LRSAM1: variants seen among roughly 807,000 people sequenced by gnomAD.
LRSAM1 encodes the protein leucine rich repeat and sterile alpha motif containing 1.
LRSAM1 carries 96 observed loss-of-function variants against 118.1 expected under a neutral mutation model. That is an observed-to-expected ratio of 0.81 (90% confidence interval 0.69 to 0.96). The LOEUF (loss-of-function observed/expected upper bound fraction) is 0.96, where lower values mean the gene tolerates loss of function less well. Ranked by LOEUF, LRSAM1 falls within the 40% of genes least tolerant of loss-of-function variation. The pLI is 0.00. For synonymous variants in LRSAM1, 322 were observed against 364.2 expected (o/e 0.88, Z 1.32); for missense variants, 804 against 915.5 (o/e 0.88, Z 1.57).
chr9:127,491,689 G>C (rs1835940158), intron 20 of LRSAM1, among the ~76,000 whole-genome samples: 1 of 152,356 alleles, frequency 6.6e-6, no homozygotes, highest in South Asian at 2.1e-4. Flanking sequence ...GGTGTCCCGG[G>C]TTGTCTGGAG....
Position 127,467,761 on chromosome 9 carries a change from G to A in LRSAM1, c.550G>A (p.Ala184Thr). 2.5e-6 allele frequency: 4 copies of A among 1,610,620 alleles called. 1 individual carries two copies. The South Asian group carries it at 3.3e-5, about 13-fold the overall frequency. Residue 184 changes from alanine (A) to threonine (T), a missense_variant, in exon 10 of 26, where the codon GCC becomes ACC. By Grantham distance (58) the Ala-to-Thr change is moderately conservative (BLOSUM62 0). Coordinates refer to ENST00000300417, the MANE Select transcript of LRSAM1 (RefSeq NM_001005373.4). ...TLEMLSLDAS[A>T]MVYPPREVCG... ...GCAGATGCTGAGCCTTGACGCCTCG[G>A]CCATGGTCTACCCGCCGCGGGAGGT...
rs570688892 is a variant in LRSAM1 at position 127,457,325 on chromosome 9, G to A, written c.184G>A (p.Val62Ile). 37 of 1,614,116 alleles carry A rather than the reference G, an allele frequency of 2.3e-5. No individual in the cohort carries two copies. Among genetic ancestry groups the A allele is most frequent in the East Asian group, 4.5e-5 (2 of 44,882 alleles). Residue 62 changes from valine to isoleucine, a missense_variant, in exon 6 of 26, where the codon GTC (valine) becomes ATC (isoleucine). By Grantham distance (29) the Val-to-Ile change is conservative (BLOSUM62 3). Coordinates refer to ENST00000300417, the MANE Select transcript of LRSAM1 (RefSeq NM_001005373.4). The part of the protein sequence containing the change: ...CKVLQKKVLI[V>I]HTNHLTSLLP... ...ACATCTCTCCACACAGGTGCTGATC[G>A]TCCACACGAATCACCTCACTTCCCT... is the stretch of plus-strand genomic sequence containing the variant.
intron 5 of LRSAM1, among the ~76,000 whole-genome samples, 175 bp from the exon 6 acceptor site, chr9:127,457,141 G>A (rs372834793): frequency 6.6e-6 from 1 of 152,244 alleles, no homozygotes; most frequent in Non-Finnish European, 1.5e-5. Context: ...TTTTAAGGAA[G>A]GGCATTAGAT....
intron 2 of LRSAM1, among the ~76,000 whole-genome samples, chr9:127,454,242 C>G (rs1312193821): frequency 6.6e-6 from 1 of 151,082 alleles, no homozygotes; most frequent in Non-Finnish European, 1.5e-5. Context: ...GCAGCCTCTG[C>G]CCCCGTGGAA....
chr9:127,479,069 G>T, intron 12 of LRSAM1, 106 bp downstream of exon 12: 3 of 1,281,352 alleles, frequency 2.3e-6, no homozygotes, highest in Non-Finnish European at 3.4e-6. Flanking sequence ...AGAATTAGAG[G>T]TCACAGTAAT....
chr9:127,468,782 T>C lies in LRSAM1; in HGVS notation c.619+952T>C, dbSNP rs1835051882. Among the ~76,000 whole-genome samples the C allele has an allele frequency of 2.5e-5, 3 of 118,072 alleles. No homozygotes were observed. The Admixed American group carries it at 3.8e-4, about 15-fold the overall frequency. 77.5% of individuals were successfully genotyped at this position (118,072 alleles called of 152,430 possible). On this transcript the variant is annotated intron_variant, in intron 10 of 25. Transcript: ENST00000300417. The stretch of plus-strand genomic sequence containing the variant: ...CGAGCCCAGGAGTTTGAGACCAGCC[T>C]AGGCAACATGGTGAAACCCTGTCTC...
At chr9:127,494,050 A>G (rs1836029492) in intron 21 of LRSAM1, among the ~76,000 whole-genome samples, 1 of 152,216 alleles carries the variant, frequency 6.6e-6, no homozygotes, top group Admixed American at 6.5e-5. Context: ...TACTTTGCAG[A>G]TGGTGCCTTG....
rs1216465212 is a variant in LRSAM1 at position 127,465,695 on chromosome 9, C to G, written c.529-2045C>G. On this transcript the variant is annotated intron_variant, in intron 9 of 25. Coordinates refer to ENST00000300417, the MANE Select transcript of LRSAM1 (RefSeq NM_001005373.4). The surrounding 1 kb of genome is among the most constrained non-coding windows in gnomAD (Gnocchi z 4.1). ...CTGAGCTACCCTTCCCACCCAGCCA[C>G]TTGTGTTACAGCAAAATCAGAGCTT... Among the ~76,000 whole-genome samples, 3 of 152,266 alleles carry G rather than the reference C, an allele frequency of 2.0e-5. No homozygotes were observed. Among genetic ancestry groups the G allele is most frequent in the African/African-American group, 7.2e-5 (3 of 41,480 alleles).
At chr9:127,471,922 C>T (rs539101267) in intron 10 of LRSAM1, among the ~76,000 whole-genome samples, 44 of 151,284 alleles carry the variant, frequency 2.9e-4, no homozygotes, top group African/African-American at 1.0e-3. Flanking sequence ...CTCGGCCTCC[C>T]GAAGCGCTGG....
chr9:127,454,905 T>G, intron 3 of LRSAM1, 93 bp from the exon 4 acceptor site: 1 of 1,235,836 alleles, frequency 8.1e-7, no homozygotes, highest in Non-Finnish European at 1.2e-6. Context: ...TATGGTCCTT[T>G]GCAGCTGCTT....
chr9:127,481,335 C>T, intron 15 of LRSAM1, 108 bp downstream of exon 15: 2 of 1,211,324 alleles, frequency 1.7e-6, no homozygotes, highest in East Asian at 2.4e-5. Flanking sequence ...TCAGTGCAAC[C>T]CCCGCCGCCC....
chr9:127,452,130 C>A (rs1424224841), intron 2 of LRSAM1, 46 bp downstream of exon 2: 1 of 152,268 alleles, frequency 6.6e-6, no homozygotes, highest in Non-Finnish European at 1.5e-5. Flanking sequence ...GTGTGGCCCT[C>A]CCCCCGCATC....
chr9:127,503,018 T>G lies in LRSAM1; in HGVS notation c.*119T>G. 2 of 1,358,586 alleles carry G rather than the reference T, an allele frequency of 1.5e-6. No homozygotes were observed. 84.2% of individuals were successfully genotyped at this position (1,358,586 alleles called of 1,614,324 possible). A position where few individuals can be genotyped will look rare whatever the true frequency, so the allele number is the denominator to read the frequency against. On this transcript the variant is annotated 3_prime_UTR_variant, in exon 26 of 26. Coordinates refer to ENST00000300417, the MANE Select transcript of LRSAM1 (RefSeq NM_001005373.4). Reference sequence around the variant, plus strand: ...GAGGCTCCCCCCTGCCCTGGGCCCCTTCCCCACTGCCCAGGAGCCCCCATC... The same window carrying G: ...GAGGCTCCCCCCTGCCCTGGGCCCCGTCCCCACTGCCCAGGAGCCCCCATC...
At chr9:127,491,060 G>A (rs916793403) in intron 19 of LRSAM1, among the ~76,000 whole-genome samples, 155 bp from the exon 20 acceptor site, 2 of 152,090 alleles carry the variant, frequency 1.3e-5, no homozygotes, top group African/African-American at 2.4e-5. Context: ...GCCCCTTGAC[G>A]AGGTTCCCAG....
chr9:127,493,308 T>C (rs762932995), intron 21 of LRSAM1, among the ~76,000 whole-genome samples: 1 of 152,204 alleles, frequency 6.6e-6, no homozygotes, highest in Admixed American at 6.5e-5. Flanking sequence ...ACGATCTGTC[T>C]GCCTTGGCCT....
In LRSAM1 at chr9:127,491,967, G is replaced by A. The variant is rs561352565; in HGVS notation, c.1503+672G>A. ...GATGGGATGGTGTGTGAGGACATGTGCCTGTGCCAGGAGTTTGAGCAGAGC... is the reference window on the plus strand; with the variant it reads ...GATGGGATGGTGTGTGAGGACATGTACCTGTGCCAGGAGTTTGAGCAGAGC... On this transcript the variant is annotated intron_variant, in intron 20 of 25. Transcript: ENST00000300417. 2.0e-5 allele frequency among the ~76,000 whole-genome samples: 3 copies of A among 152,316 alleles called. No individual in the cohort carries two copies. In the East Asian group the frequency reaches 5.8e-4, roughly 29 times the overall value.
intron 10 of LRSAM1, among the ~76,000 whole-genome samples, chr9:127,473,436 G>A (rs1835244697): frequency 6.6e-6 from 1 of 152,158 alleles, no homozygotes; most frequent in African/African-American, 2.4e-5. Flanking sequence ...ACCACACATG[G>A]CCAGAGAAGG....
intron 20 of LRSAM1, 56 bp from the exon 21 acceptor site, chr9:127,492,746 G>A (rs961492145): frequency 2.2e-5 from 33 of 1,527,994 alleles, no homozygotes; most frequent in Non-Finnish European, 2.3e-5. Context: ...CTGCCACTGC[G>A]GGACTCCTGC....
chr9:127,487,350 G>A, intron 17 of LRSAM1: 1 of 359,544 alleles, frequency 2.8e-6, no homozygotes, highest in South Asian at 2.3e-5. Flanking sequence ...ATGGGAGTCA[G>A]GAGCTCCCCA....
Sources: gnomAD v4.1 joint callset for allele counts (sites outside exome capture counted in the v4.1 genomes callset) on GRCh38, gnomAD v4.1.1 for gene constraint, Gnocchi (gnomAD v3.1) non-coding constraint, MANE v1.5 for transcripts, NCBI Gene and HGNC (gene_info 2026-07-23, HGNC 2026-07-21) for gene names.